Variants in COL6A6 observed in about 807,000 individuals in gnomAD.
COL6A6 encodes collagen alpha-6(VI) chain.
A neutral mutation model predicts 208.6 loss-of-function variants in COL6A6; 183 were observed. The observed-to-expected ratio is 0.88, with a 90% confidence interval of 0.78 to 0.99. The LOEUF is 0.99. Among genes scored for constraint, COL6A6 ranks in the 50% least tolerant of loss-of-function variants. The probability of loss-of-function intolerance (pLI) is 0.00; values close to 1 mark genes in which losing one functional copy is unlikely to be tolerated. For missense variants in COL6A6, 2,816 were observed against 2,815.2 expected, an observed-to-expected ratio of 1.00 and a Z score of -0.01; for synonymous variants, 973 against 1,011.8, an observed-to-expected ratio of 0.96 and a Z score of 0.73.
chr3:130,601,291 C>T (rs2064010807), intron 20 of COL6A6, among the ~76,000 whole-genome samples: 1 of 150,500 alleles, frequency 6.6e-6, no homozygotes, highest in Non-Finnish European at 1.5e-5. Context: ...CTTTTCTGAG[C>T]AGAAGTTTAT....
chr3:130,579,359 T>C (rs1023558320), intron 8 of COL6A6, among the ~76,000 whole-genome samples: 1 of 152,206 alleles, frequency 6.6e-6, no homozygotes, highest in African/African-American at 2.4e-5. Context: ...CTTATTTTTA[T>C]AGACAAGAAA....
At chr3:130,626,196 C>T (rs1044422062) in intron 24 of COL6A6, among the ~76,000 whole-genome samples, 6 of 152,148 alleles carry the variant, frequency 3.9e-5, no homozygotes, top group African/African-American at 9.7e-5. Flanking sequence ...ATCCTGGAAA[C>T]GATTTTGTTA....
chr3:130,578,501 T>C (rs2063345709), intron 8 of COL6A6, among the ~76,000 whole-genome samples: 1 of 152,128 alleles, frequency 6.6e-6, no homozygotes, highest in Non-Finnish European at 1.5e-5. Context: ...GGTAGTATGT[T>C]ACCAAGTTAG....
At chr3:130,607,239 G>T (rs1159148713) in intron 21 of COL6A6, among the ~76,000 whole-genome samples, 5 of 152,138 alleles carry the variant, frequency 3.3e-5, no homozygotes, top group African/African-American at 1.2e-4. Context: ...GTACAAACTT[G>T]AATAACTTAG....
rs1336116466 is a variant in COL6A6, at chr3:130,574,236, G to A, written c.3258G>A (p.Val1086=). ...ACATCGGTGCTGCACTCAGGGAGGT[G>A]GAACATTACTTCAGGCCAGACATGG... ...NTHIGAALRE[V]EHYFRPDMGS... The change falls in exon 8 of 37, where the codon GTG becomes GTA. Residue 1086 remains valine (V), a synonymous_variant. Coordinates refer to ENST00000358511, the MANE Select transcript of COL6A6 (RefSeq NM_001102608.3). 1 of 1,614,038 alleles carries A rather than the reference G, an allele frequency of 6.2e-7. No homozygotes were observed. Among genetic ancestry groups the A allele is most frequent in the East Asian group, 2.2e-5 (1 of 44,880 alleles).
At chr3:130,551,019 A>T (rs769144756) in intron 1 of COL6A6, among the ~76,000 whole-genome samples, 1 of 152,216 alleles carries the variant, frequency 6.6e-6, no homozygotes, top group Non-Finnish European at 1.5e-5. Context: ...CCACTTGATC[A>T]TCATGGTGGA....
intron 23 of COL6A6, among the ~76,000 whole-genome samples, chr3:130,613,039 A>G (rs571385595): frequency 4.0e-5 from 6 of 151,258 alleles, no homozygotes; most frequent in Non-Finnish European, 8.9e-5. Flanking sequence ...GGGTCTGTCA[A>G]TGTTTGTGTT....
At position 130,662,044 on chromosome 3, in the gene COL6A6, A is replaced by G; in HGVS notation, c.6238A>G (p.Arg2080Gly). The change falls in exon 35 of 37, where the codon AGA becomes GGA. Residue 2080 changes from arginine (R) to glycine (G), a missense_variant. Transcript: ENST00000358511. ...TGTATTTTTAAGTACACCCAATCTG[A>G]GAAGAAACAAAGTCATATTTGTGAT... ...DNVFLSTPNL[R>G]RNKVIFVISA... 6.2e-7 allele frequency: 1 copy of G among 1,614,054 alleles called. No homozygotes were observed. The highest frequency in any genetic ancestry group is 8.5e-7 in the Non-Finnish European group (1 of 1,179,898).
intron 23 of COL6A6, among the ~76,000 whole-genome samples, chr3:130,612,930 T>C (rs1297475811): frequency 6.6e-6 from 1 of 152,242 alleles, no homozygotes; most frequent in African/African-American, 2.4e-5. Context: ...CAGACATTTG[T>C]TGGATATATA....
At chr3:130,636,379 G>T (rs541996769) in intron 28 of COL6A6, among the ~76,000 whole-genome samples, 129 of 152,272 alleles carry the variant, frequency 8.5e-4, no homozygotes, top group African/African-American at 3.1e-3. Flanking sequence ...ATTAAGAATG[G>T]ATTTCTTGCA....
At chr3:130,645,619 A>G (rs1369426685) in intron 32 of COL6A6, among the ~76,000 whole-genome samples, 1 of 152,126 alleles carries the variant, frequency 6.6e-6, no homozygotes, top group Non-Finnish European at 1.5e-5. Flanking sequence ...TCCCTGTGTC[A>G]TATCATCTCT....
intron 26 of COL6A6, 32 bp downstream of exon 26, chr3:130,627,401 T>TAAA: frequency 5.0e-6 from 8 of 1,608,372 alleles, no homozygotes; most frequent in Non-Finnish European, 6.8e-6. Context: ...CTGGACGTTT[T>TAAA]CCATTTATTT....
chr3:130,634,238 TAAATAA>T lies in COL6A6; in HGVS notation c.4993-348_4993-343del, dbSNP rs1333107506. Among the ~76,000 whole-genome samples the T allele has an allele frequency of 6.8e-4, 11 of 16,198 alleles. No homozygotes were observed. The East Asian group carries it at 8.0e-3, about 12-fold the overall frequency. The allele number at this position is 16,198 out of a possible 152,430, so 10.6% of individuals were successfully genotyped here. A position where few individuals can be genotyped will look rare whatever the true frequency, so the allele number is the denominator to read the frequency against. On this transcript the variant is annotated intron_variant, in intron 26 of 36. Transcript: ENST00000358511. ...ATAAATAAATAAATAAATAAATAAA[TAAATAA>T]AAAAAAAAAAAAAAAAAAAAAAGAT...
Position 130,675,211 on chromosome 3 carries a change from T to G in COL6A6, c.6606T>G (p.Pro2202=). The part of the protein sequence containing the change: ...QPPRPFRSFV[P]GPLKATLKED... ...CTCTTTTGTTGTATAGCTTTGTTCC[T>G]GGACCACTTAAAGCTACCCTCAAAG... The change falls in exon 37 of 37, where the codon CCT becomes CCG. Residue 2202 remains proline (P), a synonymous_variant. Coordinates refer to ENST00000358511, the MANE Select transcript of COL6A6 (RefSeq NM_001102608.3). 6.4e-7 allele frequency: 1 copy of G among 1,571,728 alleles called. No individual in the cohort carries two copies. The highest frequency in any genetic ancestry group is 1.2e-5 in the South Asian group (1 of 84,548).
At chr3:130,614,476 T>G (rs551316535) in intron 23 of COL6A6, among the ~76,000 whole-genome samples, 46 of 152,336 alleles carry the variant, frequency 3.0e-4, no homozygotes, top group African/African-American at 1.1e-3. Flanking sequence ...TTTTCTTTTT[T>G]CGTTGTGTCT....
chr3:130,675,313 T>C lies in COL6A6; in HGVS notation c.6708T>C (p.Asp2236=), dbSNP rs1306068025. The change falls in exon 37 of 37, where the codon GAT becomes GAC. Residue 2236 remains aspartate, a synonymous_variant. Coordinates refer to ENST00000358511, the MANE Select transcript of COL6A6 (RefSeq NM_001102608.3). ...LSRVARSGRD[D]AIQNFMRSTS... Reference sequence around the variant, plus strand: ...GAGTAGCAAGAAGTGGCAGAGATGATGCTATTCAAAATTTTATGAGAAGCA... The same window carrying C: ...GAGTAGCAAGAAGTGGCAGAGATGACGCTATTCAAAATTTTATGAGAAGCA... 1 of 1,597,784 alleles carries C rather than the reference T, an allele frequency of 6.3e-7. No individual in the cohort carries two copies. Among genetic ancestry groups the C allele is most frequent in the Non-Finnish European group, 8.5e-7 (1 of 1,171,340 alleles).
intron 1 of COL6A6, among the ~76,000 whole-genome samples, chr3:130,532,861 G>T (rs886506792): frequency 6.6e-6 from 1 of 152,108 alleles, no homozygotes; most frequent in Non-Finnish European, 1.5e-5. Context: ...GGGAGGGCTG[G>T]ATCATCTGGG....
In COL6A6 at chr3:130,592,757, A is replaced by G. The variant is rs764050335; in HGVS notation, c.4371+35A>G. 13 of 1,537,820 alleles carry G rather than the reference A, an allele frequency of 8.5e-6. No individual in the cohort carries two copies. In the Middle Eastern group the frequency reaches 6.0e-4, roughly 71 times the overall value. Reference sequence around the variant, plus strand: ...CAGGCACATCCATTTACCTACCCATATGTTATCTAGAAATATTTTTATTTT... The same window carrying G: ...CAGGCACATCCATTTACCTACCCATGTGTTATCTAGAAATATTTTTATTTT... On this transcript the variant is annotated intron_variant, in intron 15 of 36. Coordinates refer to ENST00000358511, the MANE Select transcript of COL6A6 (RefSeq NM_001102608.3).
intron 17 of COL6A6, among the ~76,000 whole-genome samples, chr3:130,593,727 A>G (rs138066325): frequency 0.012 from 1,793 of 152,310 alleles, 19 homozygotes; most frequent in South Asian, 0.024. Context: ...TTACATGGCA[A>G]AGGACACAGG....
Sources: allele counts gnomAD v4.1 joint callset (sites outside exome capture counted in the v4.1 genomes callset), GRCh38; gene constraint gnomAD v4.1.1; transcripts MANE v1.5; gene names NCBI Gene and HGNC (gene_info 2026-07-23, HGNC 2026-07-21).